LUZP2: variants seen among roughly 807,000 people sequenced by gnomAD.
LUZP2 encodes the protein leucine zipper protein 2.
In LUZP2, 52 loss-of-function variants were observed where a neutral mutation model predicts 51.6. The ratio of observed to expected loss-of-function variants is 1.01; its 90% CI spans 0.81 to 1.27. The LOEUF is 1.27. Ranked by LOEUF, LUZP2 falls within the 50% of genes most tolerant of loss-of-function variation. The probability of loss-of-function intolerance (pLI) is 0.00; values close to 1 mark genes in which losing one functional copy is unlikely to be tolerated. For missense variants in LUZP2, 436 were observed against 395.4 expected (o/e 1.10, Z -0.87); for synonymous variants, 154 against 137.3 (o/e 1.12, Z -0.85).
At chr11:24,684,063 C>G (rs1370698923) in intron 1 of LUZP2, among the ~76,000 whole-genome samples, 1 of 152,062 alleles carries the variant, frequency 6.6e-6, no homozygotes, top group Non-Finnish European at 1.5e-5. Flanking sequence ...CTTTGTTCTC[C>G]TCCCCTCAAT....
intron 5 of LUZP2, among the ~76,000 whole-genome samples, chr11:24,790,872 A>G (rs1483026089): frequency 6.6e-6 from 1 of 152,112 alleles, no homozygotes; most frequent in Non-Finnish European, 1.5e-5. Context: ...AGTGTTCCAG[A>G]CCTCAGTCTT....
At chr11:24,720,541 A>G (rs1858227184) in intron 1 of LUZP2, among the ~76,000 whole-genome samples, 1 of 152,216 alleles carries the variant, frequency 6.6e-6, no homozygotes, top group Non-Finnish European at 1.5e-5. Context: ...TGCATTTATT[A>G]GACAAATTTT....
intron 1 of LUZP2, among the ~76,000 whole-genome samples, chr11:24,670,631 G>C (rs1856374767): frequency 6.6e-6 from 1 of 151,794 alleles, no homozygotes; most frequent in Non-Finnish European, 1.5e-5. Context: ...TTAAATATCT[G>C]TATTGATAAA....
At chr11:24,758,693 T>C (rs1040694504) in intron 4 of LUZP2, among the ~76,000 whole-genome samples, 21 of 152,042 alleles carry the variant, frequency 1.4e-4, no homozygotes, top group African/African-American at 4.8e-4. Flanking sequence ...TAGAGAAATA[T>C]TGTGCTATTT....
intron 1 of LUZP2, among the ~76,000 whole-genome samples, chr11:24,632,744 G>T (rs1854939293): frequency 6.6e-6 from 1 of 151,924 alleles, no homozygotes; most frequent in Non-Finnish European, 1.5e-5. Flanking sequence ...CTCAAGAGGA[G>T]ACTGGATTGT....
At chr11:24,541,082 G>T (rs900961239) in intron 1 of LUZP2, among the ~76,000 whole-genome samples, 1 of 151,602 alleles carries the variant, frequency 6.6e-6, no homozygotes, top group Non-Finnish European at 1.5e-5. Context: ...GTGAAACCCC[G>T]TCTCTACTAA....
intron 1 of LUZP2, among the ~76,000 whole-genome samples, chr11:24,695,480 T>C (rs1452085618): frequency 1.3e-5 from 2 of 152,092 alleles, no homozygotes; most frequent in Non-Finnish European, 2.9e-5. Context: ...ACATTTAGAA[T>C]GATCTCTTCT....
intron 5 of LUZP2, among the ~76,000 whole-genome samples, chr11:24,774,131 C>G (rs1848833671): frequency 6.6e-6 from 1 of 151,702 alleles, no homozygotes; most frequent in South Asian, 2.1e-4. Flanking sequence ...AGAATATAAG[C>G]AGGTAGAAAA....
At chr11:24,833,424 C>T (rs929670511) in intron 5 of LUZP2, among the ~76,000 whole-genome samples, 4 of 152,018 alleles carry the variant, frequency 2.6e-5, no homozygotes, top group Non-Finnish European at 5.9e-5. Flanking sequence ...GAAAAATATT[C>T]GTGCATTTTC....
intron 5 of LUZP2, among the ~76,000 whole-genome samples, chr11:24,797,957 C>T (rs772699891): frequency 1.2e-4 from 18 of 152,056 alleles, no homozygotes; most frequent in Non-Finnish European, 2.2e-4. Flanking sequence ...CTGTGTCTGA[C>T]ATGATACTAA....
intron 5 of LUZP2, among the ~76,000 whole-genome samples, chr11:24,860,246 C>A (rs555976591): frequency 6.6e-6 from 1 of 152,170 alleles, no homozygotes; most frequent in South Asian, 2.1e-4. Flanking sequence ...GGCTTCCCTG[C>A]AGGAACTCGA....
chr11:24,581,554 G>A (rs35586652), intron 1 of LUZP2, among the ~76,000 whole-genome samples: 26,742 of 151,726 alleles, frequency 0.18, 2,814 homozygotes, highest in Middle Eastern at 0.35. Context: ...TCTTGCAATC[G>A]CAGATACTCA....
intron 8 of LUZP2, among the ~76,000 whole-genome samples, chr11:24,978,938 C>T (rs756319458): frequency 1.3e-5 from 2 of 151,656 alleles, no homozygotes; most frequent in Non-Finnish European, 2.9e-5. Flanking sequence ...GTCATTATGT[C>T]CCTAAATTTC....
At chr11:24,503,517 A>G (rs753718423) in intron 1 of LUZP2, among the ~76,000 whole-genome samples, 3 of 152,194 alleles carry the variant, frequency 2.0e-5, no homozygotes, top group Non-Finnish European at 4.4e-5. Context: ...ATTATACCAT[A>G]GGTAGTGATT....
At chr11:24,791,957 C>CTTT (rs34035344) in intron 5 of LUZP2, among the ~76,000 whole-genome samples, 1 of 144,714 alleles carries the variant, frequency 6.9e-6, no homozygotes, top group Non-Finnish European at 1.5e-5. Context: ...TAGTGAGAGT[C>CTTT]TTTTTTTTTT....
chr11:25,038,301 T>C (rs1857928163), intron 9 of LUZP2, among the ~76,000 whole-genome samples: 1 of 152,168 alleles, frequency 6.6e-6, no homozygotes, highest in Non-Finnish European at 1.5e-5. Flanking sequence ...TATTCTACTG[T>C]TAATACTTAC....
chr11:24,963,784 C>T (rs1034716499), intron 7 of LUZP2, among the ~76,000 whole-genome samples: 21 of 152,120 alleles, frequency 1.4e-4, no homozygotes, highest in African/African-American at 5.1e-4. Flanking sequence ...GACCTGCGCC[C>T]ACTGTCTGGC....
At chr11:24,755,772 C>T (rs1419399773) in intron 4 of LUZP2, among the ~76,000 whole-genome samples, 1 of 152,086 alleles carries the variant, frequency 6.6e-6, no homozygotes, top group East Asian at 1.9e-4. Flanking sequence ...AATTAAGAAG[C>T]AACATTCCAA....
Position 24,607,341 on chromosome 11 carries a change from C to CTTTTTTTTT in LUZP2, c.62+110057_62+110065dup, listed in dbSNP as rs57741208. 1.4e-3 allele frequency among the ~76,000 whole-genome samples: 89 copies of CTTTTTTTTT among 63,410 alleles called. 4 individuals carry two copies. The highest frequency in any genetic ancestry group is 3.0e-3 in the East Asian group (3 of 988). The allele number at this position is 63,410 out of a possible 152,430, so 41.6% of individuals were successfully genotyped here. A position where few individuals can be genotyped will look rare whatever the true frequency, so the allele number is the denominator to read the frequency against. On this transcript the variant is annotated intron_variant, in intron 1 of 11. Coordinates refer to ENST00000336930, the MANE Select transcript of LUZP2 (RefSeq NM_001009909.4). ...GTGGTATAAGATGGGGATATTATGT[C>CTTTTTTTTT]TTTTTTTTTTTTTTTTTTTTTTTTT...
Sources: allele counts gnomAD v4.1 joint callset (sites outside exome capture counted in the v4.1 genomes callset), GRCh38; gene constraint gnomAD v4.1.1; transcripts MANE v1.5; gene names NCBI Gene and HGNC (gene_info 2026-07-23, HGNC 2026-07-21).